PPHLN1: variants seen among roughly 807,000 people sequenced by gnomAD.
The protein encoded by PPHLN1 is periphilin-1.
Under a neutral mutation model 51.3 loss-of-function variants are expected in PPHLN1, and 29 were observed. The ratio of observed to expected loss-of-function variants is 0.57; its 90% confidence interval spans 0.42 to 0.77. PPHLN1 has a LOEUF of 0.77. PPHLN1 is among the 30% of genes least tolerant of loss of function. The probability of loss-of-function intolerance (pLI) is 0.00; values close to 1 mark genes in which losing one functional copy is unlikely to be tolerated. For missense variants in PPHLN1, 436 were observed against 438.4 expected (o/e 0.99, Z 0.05); for synonymous variants, 147 against 147.8 (o/e 0.99, Z 0.04).
At chr12:42,387,690 G>A (rs1420604277) in intron 7 of PPHLN1, among the ~76,000 whole-genome samples, 155 bp downstream of exon 7, 4 of 152,184 alleles carry the variant, frequency 2.6e-5, no homozygotes, top group East Asian at 3.8e-4. Context: ...GCTCATGCCT[G>A]TAATCCCAGG....
intron 9 of PPHLN1, among the ~76,000 whole-genome samples, chr12:42,425,818 G>T (rs2081407998): frequency 6.6e-6 from 1 of 152,190 alleles, no homozygotes; most frequent in Non-Finnish European, 1.5e-5. Context: ...TGTCCTTCTA[G>T]GTCCTGTGTG....
chr12:42,446,743 A>G (rs574072038), downstream of PPHLN1: 20 of 1,270,988 alleles, frequency 1.6e-5, no homozygotes, highest in South Asian at 3.0e-4. Flanking sequence ...CTATAAGGAA[A>G]GACGCAATTG....
chr12:42,406,375 C>A (rs375543122), intron 9 of PPHLN1, among the ~76,000 whole-genome samples: 42 of 152,276 alleles, frequency 2.8e-4, no homozygotes, highest in African/African-American at 9.9e-4. Flanking sequence ...CCACCGTGCC[C>A]GGCCTCTGTT....
At chr12:42,370,522 T>A (rs2075705604) in intron 4 of PPHLN1, among the ~76,000 whole-genome samples, 1 of 152,230 alleles carries the variant, frequency 6.6e-6, no homozygotes, top group Non-Finnish European at 1.5e-5. Flanking sequence ...CTCTTCTACT[T>A]AGTCCCTTTG....
intron 2 of PPHLN1, among the ~76,000 whole-genome samples, chr12:42,346,056 C>T (rs1365161183): frequency 6.6e-6 from 1 of 152,096 alleles, no homozygotes; most frequent in Non-Finnish European, 1.5e-5. Flanking sequence ...CAAACATATT[C>T]ATCATCCCAC....
At chr12:42,378,090 C>CTCTTTCTTTCTTTCTT (rs57255344) in intron 5 of PPHLN1, among the ~76,000 whole-genome samples, 1 of 140,802 alleles carries the variant, frequency 7.1e-6, no homozygotes, top group Non-Finnish European at 1.5e-5. Flanking sequence ...ATCTATCTTT[C>CTCTTTCTTTCTTTCTT]TCTTTCTTTC....
At chr12:42,399,435 T>C in intron 9 of PPHLN1, 1 of 929,898 alleles carries the variant, frequency 1.1e-6, no homozygotes, top group Non-Finnish European at 1.3e-6. Flanking sequence ...AGTTTTTTAG[T>C]GAAGTCATTC....
intron 2 of PPHLN1, among the ~76,000 whole-genome samples, chr12:42,337,609 T>C (rs2070860190): frequency 6.7e-6 from 1 of 149,792 alleles, no homozygotes; most frequent in African/African-American, 2.5e-5. Context: ...TTTCTTTTTT[T>C]TGAGGCAGTC....
downstream of PPHLN1, chr12:42,446,067 C>A: frequency 1.3e-6 from 2 of 1,546,770 alleles, no homozygotes; most frequent in African/African-American, 1.4e-5. Flanking sequence ...ACCCTGCAGG[C>A]CCCGCAGCCC....
intron 1 of PPHLN1, 38 bp from the exon 2 acceptor site, chr12:42,335,845 C>A: frequency 1.6e-6 from 2 of 1,225,876 alleles, no homozygotes; most frequent in Non-Finnish European, 1.1e-6. Flanking sequence ...TCTGTTACTT[C>A]CTAGTATAAA....
chr12:42,414,227 G>A (rs1046123378), intron 9 of PPHLN1, among the ~76,000 whole-genome samples: 5 of 151,330 alleles, frequency 3.3e-5, no homozygotes, highest in African/African-American at 1.2e-4. Flanking sequence ...TAGAGAGGGG[G>A]TTTCACCACG....
At chr12:42,407,410 T>C (rs996046741) in intron 9 of PPHLN1, among the ~76,000 whole-genome samples, 1 of 152,350 alleles carries the variant, frequency 6.6e-6, no homozygotes, top group Non-Finnish European at 1.5e-5. Flanking sequence ...CAGCACTTGC[T>C]TATGACATGG....
chr12:42,375,214 G>A (rs2076153391), intron 5 of PPHLN1, 140 bp downstream of exon 5: 3 of 638,490 alleles, frequency 4.7e-6, no homozygotes, highest in Admixed American at 3.4e-5. Context: ...AGAAAAGATG[G>A]TAGAATAGTA....
At chr12:42,348,418 G>A (rs994258588) in intron 2 of PPHLN1, among the ~76,000 whole-genome samples, 11 of 151,312 alleles carry the variant, frequency 7.3e-5, no homozygotes, top group Middle Eastern at 3.2e-3. Flanking sequence ...CACCATGCCC[G>A]GCCTTAAACA....
chr12:42,365,485 C>T (rs2075169831), intron 4 of PPHLN1, among the ~76,000 whole-genome samples: 1 of 152,072 alleles, frequency 6.6e-6, no homozygotes. Context: ...TGTCTGCTGA[C>T]ACTGAGGGTT....
chr12:42,442,408 A>G (rs2083033988), downstream of PPHLN1, among the ~76,000 whole-genome samples: 1 of 152,152 alleles, frequency 6.6e-6, no homozygotes, highest in South Asian at 2.1e-4. Flanking sequence ...CCAGAAACCA[A>G]CCCTTGATCA....
chr12:42,333,640 G>A (rs1392864900), intron 1 of PPHLN1, among the ~76,000 whole-genome samples: 1 of 151,856 alleles, frequency 6.6e-6, no homozygotes, highest in Non-Finnish European at 1.5e-5. Context: ...CCGCCACCAC[G>A]CCCAGCTAAT....
intron 8 of PPHLN1, among the ~76,000 whole-genome samples, chr12:42,393,939 C>T (rs1019868293): frequency 2.6e-5 from 4 of 151,882 alleles, no homozygotes; most frequent in Admixed American, 6.6e-5. Flanking sequence ...AAGAAAAATG[C>T]GTTATTTATA....
chr12:42,338,873 T>TA (rs1282787022), intron 2 of PPHLN1, among the ~76,000 whole-genome samples: 1 of 152,178 alleles, frequency 6.6e-6, no homozygotes, highest in East Asian at 1.9e-4. Flanking sequence ...ATGCAGAATT[T>TA]AAAAAATACA....
Sources: allele counts gnomAD v4.1 joint callset (sites outside exome capture counted in the v4.1 genomes callset), GRCh38; gene constraint gnomAD v4.1.1; transcripts MANE v1.5; gene names NCBI Gene and HGNC (gene_info 2026-07-23, HGNC 2026-07-21).